CSMD1: variants seen among roughly 807,000 people sequenced by gnomAD.
CSMD1 encodes CUB and sushi domain-containing protein 1.
Under a neutral mutation model 417.5 loss-of-function variants are expected in CSMD1, and 213 were observed. That is an observed-to-expected ratio of 0.51 (90% CI 0.46 to 0.57). The LOEUF (loss-of-function observed/expected upper bound fraction) is 0.57. Among genes scored for constraint, CSMD1 ranks in the 20% least tolerant of loss-of-function variants. The probability of loss-of-function intolerance (pLI) is 0.00; values close to 1 mark genes in which losing one functional copy is unlikely to be tolerated. For synonymous variants in CSMD1, 2,862 were observed against 1,736.8 expected (o/e 1.65, Z -16.11); for missense variants, 6,923 against 4,529.7 (o/e 1.53, Z -15.17).
At chr8:4,981,214 C>G (rs756833674) in intron 1 of CSMD1, among the ~76,000 whole-genome samples, 57 of 152,274 alleles carry the variant, frequency 3.7e-4, no homozygotes, top group Non-Finnish European at 6.9e-4. Context: ...GAAGGCAGTA[C>G]AGTGTGTCAT....
intron 12 of CSMD1, among the ~76,000 whole-genome samples, chr8:3,467,751 A>T (rs1004283230): frequency 6.6e-6 from 1 of 152,150 alleles, no homozygotes; most frequent in Admixed American, 6.5e-5. Context: ...TGGACTCATG[A>T]CAATGTCCCT....
At chr8:4,732,795 T>C (rs1364669668) in intron 1 of CSMD1, among the ~76,000 whole-genome samples, 1 of 152,156 alleles carries the variant, frequency 6.6e-6, no homozygotes, top group Non-Finnish European at 1.5e-5. Context: ...TCCTCCAGGA[T>C]TTAGTAACTC....
At chr8:3,358,996 G>A (rs553695057) in intron 21 of CSMD1, among the ~76,000 whole-genome samples, 156 bp downstream of exon 21, 2 of 152,202 alleles carry the variant, frequency 1.3e-5, no homozygotes, top group South Asian at 2.1e-4. Flanking sequence ...CAGTTAGGCA[G>A]CTCCCCTCTC....
intron 40 of CSMD1, among the ~76,000 whole-genome samples, chr8:3,147,045 T>G (rs1545702): frequency 1.3e-5 from 2 of 151,854 alleles, no homozygotes; most frequent in African/African-American, 2.4e-5. Flanking sequence ...GGATAAGTGT[T>G]ATTACTCAGA....
At chr8:3,418,299 T>C (rs1813284562) in intron 12 of CSMD1, among the ~76,000 whole-genome samples, 1 of 152,072 alleles carries the variant, frequency 6.6e-6, no homozygotes, top group Non-Finnish European at 1.5e-5. Context: ...GCAGCTCATC[T>C]CGCTTGTCTC....
chr8:4,056,704 G>A lies in CSMD1; in HGVS notation c.416-24605C>T, dbSNP rs1046512557. ...TCCCCACTCCCCCCACCCCACAACA[G>A]GCCCTGGTGTGTGATGTACCCCTTC... On this transcript the variant is annotated intron_variant, in intron 3 of 69. Coordinates refer to ENST00000635120, the MANE Select transcript of CSMD1 (RefSeq NM_033225.6). 9.9e-5 allele frequency among the ~76,000 whole-genome samples: 15 copies of A among 150,952 alleles called. 1 individual carries two copies. Among genetic ancestry groups the A allele is most frequent in the Non-Finnish European group, 1.9e-4 (13 of 67,802 alleles).
intron 5 of CSMD1, among the ~76,000 whole-genome samples, chr8:3,820,555 G>A (rs909178216): frequency 5.3e-5 from 8 of 152,044 alleles, no homozygotes; most frequent in African/African-American, 1.2e-4. Flanking sequence ...TCCATTTGTC[G>A]TTGTTGTGTT....
intron 5 of CSMD1, among the ~76,000 whole-genome samples, chr8:3,833,662 A>G (rs187661817): frequency 3.6e-4 from 55 of 152,230 alleles, no homozygotes; most frequent in African/African-American, 1.3e-3. Flanking sequence ...GTATGGGACA[A>G]CTTTAAAAAT....
intron 5 of CSMD1, among the ~76,000 whole-genome samples, chr8:3,817,292 T>G (rs866525793): frequency 3.2e-5 from 3 of 93,548 alleles, no homozygotes; most frequent in African/African-American, 1.6e-4. Context: ...TTTTTTTTTT[T>G]TTTTTTGAGA....
At chr8:3,675,543 T>G (rs878908725) in intron 7 of CSMD1, among the ~76,000 whole-genome samples, 3 of 152,016 alleles carry the variant, frequency 2.0e-5, no homozygotes, top group Admixed American at 6.6e-5. Context: ...TGTTTGGAAG[T>G]GATGCTTTCA....
In CSMD1 at chr8:4,732,050, G is replaced by A. The variant is rs185995197; in HGVS notation, c.86-94492C>T. Among the ~76,000 whole-genome samples, 13 of 152,208 alleles carry A rather than the reference G, an allele frequency of 8.5e-5. No homozygotes were observed. The East Asian group carries it at 1.5e-3, about 18-fold the overall frequency. ...TTGACTGCATGCCTCCCCCATGCCC[G>A]TAGCTTTACATCTCTCTTGCTAATC... On this transcript the variant is annotated intron_variant, in intron 1 of 69. Transcript: ENST00000635120.
intron 3 of CSMD1, among the ~76,000 whole-genome samples, chr8:4,363,933 G>A (rs572056552): frequency 1.3e-5 from 2 of 152,114 alleles, no homozygotes; most frequent in East Asian, 3.9e-4. Flanking sequence ...AGATGAAAAT[G>A]GTTAACAAGT....
At chr8:3,531,770 C>T (rs891192102) in intron 10 of CSMD1, among the ~76,000 whole-genome samples, 8 of 152,202 alleles carry the variant, frequency 5.3e-5, no homozygotes, top group South Asian at 2.1e-4. Flanking sequence ...CCTGGAAGAT[C>T]GGGCTGCAAA....
intron 3 of CSMD1, among the ~76,000 whole-genome samples, chr8:4,386,758 G>A (rs1803481664): frequency 6.6e-6 from 1 of 152,110 alleles, no homozygotes; most frequent in Admixed American, 6.6e-5. Flanking sequence ...TTTAATTAGG[G>A]GTAGAAACAG....
intron 3 of CSMD1, among the ~76,000 whole-genome samples, chr8:4,348,377 G>C (rs898003936): frequency 3.9e-5 from 6 of 152,124 alleles, no homozygotes; most frequent in Admixed American, 3.3e-4. Flanking sequence ...CGCTACAAGT[G>C]TTTAAAGAAC....
Position 4,059,536 on chromosome 8 carries a change from A to T in CSMD1, c.416-27437T>A, listed in dbSNP as rs891757842. Among the ~76,000 whole-genome samples the T allele has an allele frequency of 3.9e-5, 6 of 152,312 alleles. No individual in the cohort carries two copies. The South Asian group carries it at 1.2e-3, about 32-fold the overall frequency. The stretch of plus-strand genomic sequence containing the variant: ...TTTTGAAAGGATCAACAAAATTGAT[A>T]GACTGCTAGCAAGACTAATAAAGAA... On this transcript the variant is annotated intron_variant, in intron 3 of 69. Coordinates refer to ENST00000635120, the MANE Select transcript of CSMD1 (RefSeq NM_033225.6).
intron 50 of CSMD1, among the ~76,000 whole-genome samples, chr8:3,037,243 TG>T (rs368690719): frequency 0.21 from 31,630 of 148,328 alleles, 3,965 homozygotes; most frequent in Non-Finnish European, 0.28. Context: ...TCTCGCTCTG[TG>T]GCCCAGGCTG....
chr8:3,735,964 T>C (rs1357756034), intron 6 of CSMD1, among the ~76,000 whole-genome samples: 1 of 151,862 alleles, frequency 6.6e-6, no homozygotes, highest in Middle Eastern at 3.2e-3. Context: ...AGTAGACAGG[T>C]AAATGGGTAA....
intron 54 of CSMD1, among the ~76,000 whole-genome samples, chr8:2,979,397 T>C (rs1805214053): frequency 6.6e-6 from 1 of 152,258 alleles, no homozygotes; most frequent in Non-Finnish European, 1.5e-5. Flanking sequence ...TTCTGCGGCA[T>C]GCGGGACATG....
Sources: gnomAD v4.1 joint callset for allele counts (sites outside exome capture counted in the v4.1 genomes callset) on GRCh38, gnomAD v4.1.1 for gene constraint, MANE v1.5 for transcripts, NCBI Gene and HGNC (gene_info 2026-07-23, HGNC 2026-07-21) for gene names.